The following EPS8 variants were observed in gnomAD, a reference collection of about 807,000 sequenced individuals.
The protein encoded by EPS8 is epidermal growth factor receptor kinase substrate 8.
A neutral mutation model predicts 103.8 loss-of-function variants in EPS8; 42 were observed. That is an observed-to-expected ratio of 0.40 (90% CI 0.32 to 0.52). The LOEUF (loss-of-function observed/expected upper bound fraction) is 0.52. Among genes scored for constraint, EPS8 ranks in the 20% least tolerant of loss-of-function variants. The pLI, the probability that EPS8 is intolerant of heterozygous loss-of-function variation, is 0.40. For missense variants in EPS8, 969 were observed against 1,005.1 expected (o/e 0.96, Z 0.49); for synonymous variants, 344 against 344.6 (o/e 1.00, Z 0.02).
At chr12:15,782,629 T>G (rs1947271590) in intron 1 of EPS8, among the ~76,000 whole-genome samples, 1 of 152,002 alleles carries the variant, frequency 6.6e-6, no homozygotes, top group South Asian at 2.1e-4. Flanking sequence ...CTAGTCTACT[T>G]TATCATTTTA....
At position 15,698,771 on chromosome 12, in the gene EPS8, G is replaced by C. The variant is rs371143996; in HGVS notation, c.-21-15799C>G. On this transcript the variant is annotated intron_variant, in intron 1 of 20. Coordinates refer to ENST00000281172, the MANE Select transcript of EPS8 (RefSeq NM_004447.6). The surrounding 1 kb of genome is among the most constrained non-coding windows in gnomAD (Gnocchi z 4.9). The stretch of plus-strand genomic sequence containing the variant: ...TAGGAGATTCAGTGTTTACAAGAAT[G>C]GTGTTTAATCTCAACTGCCTCTGTT... Among the ~76,000 whole-genome samples, 9 of 152,210 alleles carry C rather than the reference G, an allele frequency of 5.9e-5. No homozygotes were observed. Among genetic ancestry groups the C allele is most frequent in the African/African-American group, 1.9e-4 (8 of 41,518 alleles).
At position 15,771,835 on chromosome 12, in the gene EPS8, A is replaced by C. The variant is rs1159838649; in HGVS notation, c.-22+17326T>G. Reference sequence around the variant, plus strand: ...TGAGAGCTAATTTCAATACAAAAGAAAGGGGAAGGCCGGGGGCGGTGGCTC... The same window carrying C: ...TGAGAGCTAATTTCAATACAAAAGACAGGGGAAGGCCGGGGGCGGTGGCTC... On this transcript the variant is annotated intron_variant, in intron 1 of 20. Transcript: ENST00000281172. The surrounding 1 kb of genome is among the most constrained non-coding windows in gnomAD (Gnocchi z 4.6). Among the ~76,000 whole-genome samples the C allele has an allele frequency of 6.6e-6, 1 of 152,178 alleles. No individual in the cohort carries two copies. Among genetic ancestry groups the C allele is most frequent in the East Asian group, 1.9e-4 (1 of 5,188 alleles).
Position 15,695,098 on chromosome 12 carries a change from TTTAAA to T in EPS8, c.-21-12131_-21-12127del, listed in dbSNP as rs533369694. 7.7e-4 allele frequency among the ~76,000 whole-genome samples: 117 copies of T among 152,330 alleles called. 1 individual carries two copies. The highest frequency in any genetic ancestry group is 2.7e-3 in the African/African-American group (111 of 41,570). ...TCTCATTTTAATGAGAATCTGAGAC[TTTAAA>T]TTAGAGTTATAAGTAAAGGTAATTT... On this transcript the variant is annotated intron_variant, in intron 1 of 20. Coordinates refer to ENST00000281172, the MANE Select transcript of EPS8 (RefSeq NM_004447.6). The surrounding 1 kb of genome is among the most constrained non-coding windows in gnomAD (Gnocchi z 5.0).
At position 15,776,899 on chromosome 12, in the gene EPS8, G is replaced by C. The variant is rs1947211715; in HGVS notation, c.-22+12262C>G. ...AATTTCATATTTCCCAGTAATGATAGTTTGATTTTATCAATGCCTTTGAAA... is the reference window on the plus strand; with the variant it reads ...AATTTCATATTTCCCAGTAATGATACTTTGATTTTATCAATGCCTTTGAAA... On this transcript the variant is annotated intron_variant, in intron 1 of 20. Coordinates refer to ENST00000281172, the MANE Select transcript of EPS8 (RefSeq NM_004447.6). This position sits in a 1 kb window ranked among gnomAD's most constrained non-coding sequence, Gnocchi z 4.2. Among the ~76,000 whole-genome samples, 1 of 152,124 alleles carries C rather than the reference G, an allele frequency of 6.6e-6. No individual in the cohort carries two copies. Among genetic ancestry groups the C allele is most frequent in the Non-Finnish European group, 1.5e-5 (1 of 68,028 alleles).
rs1167529771 is a variant in EPS8 at position 15,717,275 on chromosome 12, G to A, written c.-21-34303C>T. Among the ~76,000 whole-genome samples the A allele has an allele frequency of 6.6e-6, 1 of 152,008 alleles. No individual in the cohort carries two copies. The highest frequency in any genetic ancestry group is 1.5e-5 in the Non-Finnish European group (1 of 67,984). On this transcript the variant is annotated intron_variant, in intron 1 of 20. Coordinates refer to ENST00000281172, the MANE Select transcript of EPS8 (RefSeq NM_004447.6). The surrounding 1 kb of genome is among the most constrained non-coding windows in gnomAD (Gnocchi z 4.3). ...AAGCTATTGTTTGGCTGTAGAGCTA[G>A]GATTAAAGGTAGAAAAAACAAAAAA...
intron 1 of EPS8, among the ~76,000 whole-genome samples, chr12:15,699,709 T>A (rs187998086): frequency 1.1e-3 from 171 of 152,300 alleles, no homozygotes; most frequent in African/African-American, 4.0e-3. Context: ...TCTCAAATAC[T>A]CCTACATATA....
In EPS8 at chr12:15,785,043, C is replaced by T. The variant is rs1231659741; in HGVS notation, c.-22+4118G>A. Among the ~76,000 whole-genome samples the T allele has an allele frequency of 6.6e-6, 1 of 152,024 alleles. No homozygotes were observed. Among genetic ancestry groups the T allele is most frequent in the Non-Finnish European group, 1.5e-5 (1 of 67,936 alleles). On this transcript the variant is annotated intron_variant, in intron 1 of 20. Transcript: ENST00000281172. This position sits in a 1 kb window ranked among gnomAD's most constrained non-coding sequence, Gnocchi z 4.9. Reference sequence around the variant, plus strand: ...TACTATGATCCTATAAGGATAGCTACATCAAATTAAGTATTTGTCAAAACC... The same window carrying T: ...TACTATGATCCTATAAGGATAGCTATATCAAATTAAGTATTTGTCAAAACC...
Position 15,747,126 on chromosome 12 carries a change from A to G in EPS8, c.-22+42035T>C, listed in dbSNP as rs1341236563. On this transcript the variant is annotated intron_variant, in intron 1 of 20. Coordinates refer to ENST00000281172, the MANE Select transcript of EPS8 (RefSeq NM_004447.6). The surrounding 1 kb of genome is among the most constrained non-coding windows in gnomAD (Gnocchi z 4.4). ...CTACAAAGTAAAATTATCTCAATGC[A>G]TAAAGCCAACCTAGTAACCCTCAAT... is the stretch of plus-strand genomic sequence containing the variant. Among the ~76,000 whole-genome samples, 1 of 152,242 alleles carries G rather than the reference A, an allele frequency of 6.6e-6. No individual in the cohort carries two copies. Among genetic ancestry groups the G allele is most frequent in the Non-Finnish European group, 1.5e-5 (1 of 68,042 alleles).
In EPS8 at chr12:15,746,693, G is replaced by C. The variant is rs73054962; in HGVS notation, c.-22+42468C>G. Among the ~76,000 whole-genome samples, 676 of 152,188 alleles carry C rather than the reference G, an allele frequency of 4.4e-3. 6 individuals carry two copies. The highest frequency in any genetic ancestry group is 0.018 in the South Asian group (88 of 4,826). ...CCCCAGTTCCTCTACTCAGTAATTT[G>C]AGCAACTCAATTTGGTTTCCTTACC... On this transcript the variant is annotated intron_variant, in intron 1 of 20. Coordinates refer to ENST00000281172, the MANE Select transcript of EPS8 (RefSeq NM_004447.6).
At chr12:15,730,151 A>C (rs918459419) in intron 1 of EPS8, among the ~76,000 whole-genome samples, 1 of 152,186 alleles carries the variant, frequency 6.6e-6, no homozygotes, top group Non-Finnish European at 1.5e-5. Context: ...TAGTTTTGAT[A>C]ACCATATTGA....
At chr12:15,692,925 ATGATAATATTTTTAAGTTTTCTT>A (rs1946194447) in intron 1 of EPS8, among the ~76,000 whole-genome samples, 1 of 152,138 alleles carries the variant, frequency 6.6e-6, no homozygotes, top group Non-Finnish European at 1.5e-5. Flanking sequence ...GAGAATATCC[ATGATAATATTTTTAAGTTTTCTT>A]CTCCCTTCAT....
intron 17 of EPS8, among the ~76,000 whole-genome samples, chr12:15,635,259 C>T (rs1251236858): frequency 6.6e-6 from 1 of 151,928 alleles, no homozygotes; most frequent in Non-Finnish European, 1.5e-5. Context: ...CAGTAATTAT[C>T]AATACTTTAT....
chr12:15,763,489 C>G (rs1947062354), intron 1 of EPS8, among the ~76,000 whole-genome samples: 1 of 152,104 alleles, frequency 6.6e-6, no homozygotes, highest in South Asian at 2.1e-4. Context: ...AAATAAGAGG[C>G]AGAGGAGAGT....
chr12:15,705,840 C>T (rs986048242), intron 1 of EPS8, among the ~76,000 whole-genome samples: 2 of 152,044 alleles, frequency 1.3e-5, no homozygotes, highest in South Asian at 2.1e-4. Context: ...TTACCCTTTT[C>T]GTAAGGAAAA....
At chr12:15,691,631 C>T (rs1946173380) in intron 1 of EPS8, among the ~76,000 whole-genome samples, 1 of 151,976 alleles carries the variant, frequency 6.6e-6, no homozygotes, top group Non-Finnish European at 1.5e-5. Context: ...GCTTTGGACA[C>T]TTAGGAAACT....
chr12:15,716,043 C>T lies in EPS8; in HGVS notation c.-21-33071G>A, dbSNP rs943388262. Among the ~76,000 whole-genome samples, 5 of 152,076 alleles carry T rather than the reference C, an allele frequency of 3.3e-5. No homozygotes were observed. The highest frequency in any genetic ancestry group is 6.5e-5 in the Admixed American group (1 of 15,272). ...GTAGCAAGAAGAAAACCCTTCAAAA[C>T]GAAGAATATAATCAAAATAAACACT... On this transcript the variant is annotated intron_variant, in intron 1 of 20. Transcript: ENST00000281172. The surrounding 1 kb of genome is among the most constrained non-coding windows in gnomAD (Gnocchi z 5.0).
intron 1 of EPS8, among the ~76,000 whole-genome samples, chr12:15,770,659 C>A (rs1947144915): frequency 6.6e-6 from 1 of 152,192 alleles, no homozygotes; most frequent in Non-Finnish European, 1.5e-5. Flanking sequence ...AGAGCATAAT[C>A]ATAGCCCACA....
Position 15,759,083 on chromosome 12 carries a change from C to T in EPS8, c.-22+30078G>A, listed in dbSNP as rs928228532. 6.6e-5 allele frequency among the ~76,000 whole-genome samples: 10 copies of T among 151,964 alleles called. No homozygotes were observed. Among genetic ancestry groups the T allele is most frequent in the Admixed American group, 6.6e-5 (1 of 15,262 alleles). ...ATTAAACTTTCTCCCTTCTCCAATA[C>T]TTCTTATATAAACCATATTATCAAA... On this transcript the variant is annotated intron_variant, in intron 1 of 20. Coordinates refer to ENST00000281172, the MANE Select transcript of EPS8 (RefSeq NM_004447.6). This position sits in a 1 kb window ranked among gnomAD's most constrained non-coding sequence, Gnocchi z 4.9.
rs1947071774 is a variant in EPS8 at position 15,764,342 on chromosome 12, C to T, written c.-22+24819G>A. 1.3e-5 allele frequency among the ~76,000 whole-genome samples: 2 copies of T among 152,148 alleles called. No individual in the cohort carries two copies. Among genetic ancestry groups the T allele is most frequent in the Non-Finnish European group, 2.9e-5 (2 of 68,034 alleles). On this transcript the variant is annotated intron_variant, in intron 1 of 20. Transcript: ENST00000281172. This position sits in a 1 kb window ranked among gnomAD's most constrained non-coding sequence, Gnocchi z 4.1. ...TCAAGATGAGCTTTGGGTGGGGACACAGTGAAACCATATCAATCAGTCAAG... is the reference window on the plus strand; with the variant it reads ...TCAAGATGAGCTTTGGGTGGGGACATAGTGAAACCATATCAATCAGTCAAG...
Sources: gnomAD v4.1 joint callset for allele counts (sites outside exome capture counted in the v4.1 genomes callset) on GRCh38, gnomAD v4.1.1 for gene constraint, Gnocchi (gnomAD v3.1) non-coding constraint, MANE v1.5 for transcripts, NCBI Gene and HGNC (gene_info 2026-07-23, HGNC 2026-07-21) for gene names.